The following USP6NL variants were observed in gnomAD, a reference collection of about 807,000 sequenced individuals.
The protein encoded by USP6NL is USP6 N-terminal-like protein.
USP6NL carries 26 observed loss-of-function variants against 61.9 expected under a neutral mutation model. The ratio of observed to expected loss-of-function variants is 0.42; its 90% CI spans 0.31 to 0.58. USP6NL has a LOEUF of 0.58. USP6NL is among the 20% of genes least tolerant of loss of function. USP6NL has a pLI of 0.16. For synonymous variants in USP6NL, 432 were observed against 390.1 expected (o/e 1.11, Z -1.27); for missense variants, 1,114 against 1,034.3 (o/e 1.08, Z -1.06).
intron 7 of USP6NL, among the ~76,000 whole-genome samples, chr10:11,494,171 G>C (rs1833816244): frequency 1.3e-5 from 2 of 152,166 alleles, no homozygotes. Flanking sequence ...TTGCTCAAAA[G>C]GCACAGCTTC....
intron 4 of USP6NL, among the ~76,000 whole-genome samples, chr10:11,522,621 G>T (rs575101552): frequency 2.0e-5 from 3 of 152,156 alleles, no homozygotes; most frequent in Non-Finnish European, 2.9e-5. Context: ...CCACATCATG[G>T]AGTAAATAAA....
In USP6NL at chr10:11,589,117, T is replaced by C. The variant is rs559321693; in HGVS notation, c.4+8514A>G. ...GAGAGACTCTAACAGCAGTAAAGGT[T>C]TCCCCTTAGCAGTAAGGCAACCTGC... On this transcript the variant is annotated intron_variant, in intron 2 of 14. Transcript: ENST00000609104. The surrounding 1 kb of genome is among the most constrained non-coding windows in gnomAD (Gnocchi z 4.7). 6.1e-4 allele frequency among the ~76,000 whole-genome samples: 93 copies of C among 152,306 alleles called. No homozygotes were observed. The highest frequency in any genetic ancestry group is 2.2e-3 in the African/African-American group (92 of 41,566).
chr10:11,464,794 C>A (rs922397605), intron 14 of USP6NL, among the ~76,000 whole-genome samples: 173 of 152,304 alleles, frequency 1.1e-3, no homozygotes, highest in African/African-American at 4.0e-3. Flanking sequence ...AATATGTGGA[C>A]CAATTATTTC....
At chr10:11,473,004 T>C (rs1248434951) in intron 14 of USP6NL, among the ~76,000 whole-genome samples, 2 of 152,198 alleles carry the variant, frequency 1.3e-5, no homozygotes, top group Non-Finnish European at 2.9e-5. Context: ...TGGTTAAATG[T>C]AACATCATTT....
chr10:11,479,581 G>GTTTT (rs1349908671), intron 14 of USP6NL, among the ~76,000 whole-genome samples: 1 of 141,930 alleles, frequency 7.0e-6, no homozygotes, highest in Non-Finnish European at 1.6e-5. Flanking sequence ...TTTTTTTTTG[G>GTTTT]TTTTTTTTTT....
intron 2 of USP6NL, among the ~76,000 whole-genome samples, chr10:11,543,277 C>G (rs533150597): frequency 1.3e-5 from 2 of 152,352 alleles, no homozygotes; most frequent in South Asian, 4.1e-4. Context: ...AGCAGTGGCT[C>G]ACACCTGTAA....
chr10:11,533,511 A>G (rs941359441), intron 2 of USP6NL, among the ~76,000 whole-genome samples: 1 of 152,208 alleles, frequency 6.6e-6, no homozygotes, highest in Non-Finnish European at 1.5e-5. Flanking sequence ...TGGTCACAAG[A>G]ATCCTTCTGA....
chr10:11,484,467 T>C (rs1007247430), intron 13 of USP6NL, among the ~76,000 whole-genome samples: 15 of 151,740 alleles, frequency 9.9e-5, no homozygotes, highest in African/African-American at 3.6e-4. Context: ...CCAGAGGCCA[T>C]AATGCACTGA....
At chr10:11,551,663 A>C (rs1043749588) in intron 2 of USP6NL, among the ~76,000 whole-genome samples, 1 of 152,234 alleles carries the variant, frequency 6.6e-6, no homozygotes, top group African/African-American at 2.4e-5. Context: ...CCACAGATCA[A>C]ACTCAGGCCT....
chr10:11,574,745 C>T lies in USP6NL; in HGVS notation c.4+22886G>A, dbSNP rs910156126. ...TAACATATCATAAAATATTAGATCC[C>T]AGAGCAAATCAGAGGCAGTTCCTTT... On this transcript the variant is annotated intron_variant, in intron 2 of 14. Transcript: ENST00000609104. This position sits in a 1 kb window ranked among gnomAD's most constrained non-coding sequence, Gnocchi z 4.3. Among the ~76,000 whole-genome samples the T allele has an allele frequency of 2.0e-5, 3 of 152,088 alleles. No individual in the cohort carries two copies. Among genetic ancestry groups the T allele is most frequent in the Non-Finnish European group, 4.4e-5 (3 of 68,012 alleles).
At chr10:11,555,431 A>ATATAT (rs1169769717) in intron 2 of USP6NL, among the ~76,000 whole-genome samples, 1 of 77,950 alleles carries the variant, frequency 1.3e-5, no homozygotes, top group Non-Finnish European at 2.3e-5. Flanking sequence ...AAAAAAAAAA[A>ATATAT]AAATATATAT....
At chr10:11,512,238 A>G (rs12219028) in intron 5 of USP6NL, among the ~76,000 whole-genome samples, 12,539 of 152,130 alleles carry the variant, frequency 0.082, 607 homozygotes, top group South Asian at 0.19. Context: ...ATCCGAAACT[A>G]TTTTCCCAAA....
intron 14 of USP6NL, among the ~76,000 whole-genome samples, chr10:11,469,758 T>C (rs1591815563): frequency 1.3e-5 from 2 of 152,296 alleles, no homozygotes; most frequent in South Asian, 4.1e-4. Flanking sequence ...AGTGCCCAGA[T>C]CAGACTACAG....
chr10:11,536,465 G>T (rs1211842547), intron 2 of USP6NL, among the ~76,000 whole-genome samples: 6 of 152,120 alleles, frequency 3.9e-5, no homozygotes, highest in Non-Finnish European at 8.8e-5. Context: ...CATGTTCTTG[G>T]AATTTGTGAT....
At chr10:11,509,345 T>TAC (rs1834597305) in intron 6 of USP6NL, among the ~76,000 whole-genome samples, 1 of 152,196 alleles carries the variant, frequency 6.6e-6, no homozygotes, top group Non-Finnish European at 1.5e-5. Context: ...GCAGCTGAAT[T>TAC]AAATCACTCC....
chr10:11,526,893 A>C (rs1835442791), intron 3 of USP6NL, among the ~76,000 whole-genome samples: 1 of 152,226 alleles, frequency 6.6e-6, no homozygotes, highest in South Asian at 2.1e-4. Flanking sequence ...AATTATACAC[A>C]CTTGTATAAA....
chr10:11,557,605 ATGAAT>A (rs1217450767), intron 2 of USP6NL, among the ~76,000 whole-genome samples: 3 of 152,206 alleles, frequency 2.0e-5, no homozygotes, highest in African/African-American at 7.2e-5. Context: ...ATGGAAGAGA[ATGAAT>A]TGGAGTTAGT....
chr10:11,610,080 A>G (rs529971833), intron 1 of USP6NL, among the ~76,000 whole-genome samples: 5 of 152,282 alleles, frequency 3.3e-5, no homozygotes, highest in African/African-American at 1.2e-4. Context: ...CTCTATATAT[A>G]TATAATCAGC....
intron 2 of USP6NL, among the ~76,000 whole-genome samples, chr10:11,541,895 A>C (rs1429212819): frequency 6.6e-6 from 1 of 152,226 alleles, no homozygotes; most frequent in South Asian, 2.1e-4. Context: ...AATTTTTTTT[A>C]ATTTTCCAAA....
Sources: allele counts gnomAD v4.1 joint callset (sites outside exome capture counted in the v4.1 genomes callset), GRCh38; gene constraint gnomAD v4.1.1; non-coding constraint Gnocchi (gnomAD v3.1); transcripts MANE v1.5; gene names NCBI Gene and HGNC (gene_info 2026-07-23, HGNC 2026-07-21).